Variants in GRIA4 observed in about 807,000 individuals in gnomAD.
GRIA4 encodes the protein glutamate receptor 4.
GRIA4 carries 34 observed loss-of-function variants against 104.0 expected under a neutral mutation model. The ratio of observed to expected loss-of-function variants is 0.33; its 90% CI spans 0.25 to 0.44. The LOEUF (loss-of-function observed/expected upper bound fraction) is 0.44. GRIA4 is among the 20% of genes least tolerant of loss of function. GRIA4 has a pLI of 1.00. For missense variants in GRIA4, 750 were observed against 1,096.5 expected (o/e 0.68, Z 4.46); for synonymous variants, 386 against 381.9 (o/e 1.01, Z -0.13).
intron 3 of GRIA4, among the ~76,000 whole-genome samples, chr11:105,732,589 T>A (rs1938667713): frequency 6.6e-6 from 1 of 152,188 alleles, no homozygotes; most frequent in South Asian, 2.1e-4. Flanking sequence ...GTCTTCTTGC[T>A]GCTACCACTT....
At chr11:105,616,122 T>C (rs888253659) in intron 3 of GRIA4, among the ~76,000 whole-genome samples, 3 of 151,746 alleles carry the variant, frequency 2.0e-5, no homozygotes, top group East Asian at 3.8e-4. Context: ...TAGAATTTTA[T>C]AGACTGTTTA....
At chr11:105,974,185 T>TA in intron 15 of GRIA4, 125 bp from the exon 16 acceptor site, 1 of 903,948 alleles carries the variant, frequency 1.1e-6, no homozygotes, top group Non-Finnish European at 1.7e-6. Context: ...CAGTGACTTA[T>TA]ACTTGTAAAT....
intron 2 of GRIA4, 110 bp from the exon 3 acceptor site, chr11:105,612,166 C>G: frequency 2.2e-6 from 2 of 924,674 alleles, no homozygotes; most frequent in Non-Finnish European, 3.4e-6. Context: ...GCAGGTATAG[C>G]TCTTTAATTG....
chr11:105,905,080 T>G (rs1946994309), intron 8 of GRIA4, 117 bp from the exon 9 acceptor site: 2 of 621,792 alleles, frequency 3.2e-6, no homozygotes, highest in African/African-American at 1.8e-5. Context: ...GCATTTCAGT[T>G]AGTTGGTTAT....
chr11:105,681,759 C>T (rs1952716808), intron 3 of GRIA4, among the ~76,000 whole-genome samples: 1 of 152,108 alleles, frequency 6.6e-6, no homozygotes, highest in African/African-American at 2.4e-5. Context: ...TGATTAAAAA[C>T]AGGCCGGGTG....
chr11:105,951,420 A>T (rs1049972595), intron 14 of GRIA4, among the ~76,000 whole-genome samples: 7 of 152,240 alleles, frequency 4.6e-5, no homozygotes, highest in Non-Finnish European at 8.8e-5. Context: ...CTATTCAGAG[A>T]TAACTTGAAG....
intron 3 of GRIA4, among the ~76,000 whole-genome samples, chr11:105,740,757 C>T (rs972605737): frequency 1.3e-5 from 2 of 152,006 alleles, no homozygotes; most frequent in African/African-American, 4.8e-5. Flanking sequence ...ATATGTAGAT[C>T]AGGTGAGAGC....
At chr11:105,842,932 A>T (rs2135964463) in intron 4 of GRIA4, 1 of 152,316 alleles carries the variant, frequency 6.6e-6, no homozygotes, top group Non-Finnish European at 1.5e-5. Flanking sequence ...CTGTTAAAGG[A>T]TTCATTTTAA....
intron 4 of GRIA4, among the ~76,000 whole-genome samples, chr11:105,786,262 C>G (rs1259096917): frequency 6.6e-6 from 1 of 151,762 alleles, no homozygotes; most frequent in Non-Finnish European, 1.5e-5. Flanking sequence ...ATCACATTAC[C>G]GAGTTGAATC....
In GRIA4 at chr11:105,926,355, T is replaced by C. The variant is rs560934576; in HGVS notation, c.1848-386T>C. 7.2e-5 allele frequency among the ~76,000 whole-genome samples: 11 copies of C among 152,260 alleles called. No individual in the cohort carries two copies. The South Asian group carries it at 2.1e-3, about 29-fold the overall frequency. On this transcript the variant is annotated intron_variant, in intron 12 of 16. Coordinates refer to ENST00000282499, the MANE Select transcript of GRIA4 (RefSeq NM_000829.4). The stretch of plus-strand genomic sequence containing the variant: ...AACAATGCTGCCAATTAAACCATGA[T>C]ACTATATTTTATCTCATCAACCATA...
In GRIA4 at chr11:105,762,050, G is replaced by A. The variant is rs1940680917; in HGVS notation, c.487+8830G>A. On this transcript the variant is annotated intron_variant, in intron 4 of 16. Transcript: ENST00000282499. ...AATTTTTTTTTTTTTTTGAGACGGA[G>A]TCTCACTCTATTGCCCCAGCTGAAG... 2.0e-5 allele frequency among the ~76,000 whole-genome samples: 3 copies of A among 148,726 alleles called. No homozygotes were observed. In the South Asian group the frequency reaches 6.3e-4, roughly 31 times the overall value.
chr11:105,855,544 A>G (rs2226578), intron 4 of GRIA4, among the ~76,000 whole-genome samples: 42,063 of 151,992 alleles, frequency 0.28, 7,609 homozygotes, highest in African/African-American at 0.51. Flanking sequence ...GAGCAAAATA[A>G]TAGCTATATA....
At chr11:105,892,650 T>C (rs1459309281) in intron 6 of GRIA4, among the ~76,000 whole-genome samples, 1 of 152,182 alleles carries the variant, frequency 6.6e-6, no homozygotes, top group Admixed American at 6.5e-5. Context: ...TGACCCTAGT[T>C]AAGATTCCAT....
At chr11:105,617,377 A>T (rs1392772683) in intron 3 of GRIA4, among the ~76,000 whole-genome samples, 1 of 151,788 alleles carries the variant, frequency 6.6e-6, no homozygotes, top group Non-Finnish European at 1.5e-5. Context: ...GGTACAAAGG[A>T]GTTACTTTAC....
chr11:105,841,440 C>T (rs965969263), intron 4 of GRIA4, among the ~76,000 whole-genome samples: 11 of 152,208 alleles, frequency 7.2e-5, no homozygotes, highest in African/African-American at 2.6e-4. Flanking sequence ...GGACTGTGGG[C>T]CTGGAGTCCA....
chr11:105,671,671 C>CT (rs1383471878), intron 3 of GRIA4, among the ~76,000 whole-genome samples: 1 of 50,586 alleles, frequency 2.0e-5, no homozygotes, highest in African/African-American at 9.2e-5. Context: ...GAGTGAGACT[C>CT]TGTCTCAAAA....
At chr11:105,667,508 A>G (rs924718118) in intron 3 of GRIA4, among the ~76,000 whole-genome samples, 9 of 152,036 alleles carry the variant, frequency 5.9e-5, no homozygotes, top group Admixed American at 1.3e-4. Flanking sequence ...GAAAACTAAT[A>G]TCTCCTTTGA....
chr11:105,691,935 C>CAAAAAAAAAA (rs202074069), intron 3 of GRIA4, among the ~76,000 whole-genome samples: 37 of 76,210 alleles, frequency 4.9e-4, no homozygotes, highest in East Asian at 7.7e-4. Context: ...AACTCCGTCT[C>CAAAAAAAAAA]AAAAAAAAAA....
chr11:105,653,305 C>A (rs1951736451), intron 3 of GRIA4, among the ~76,000 whole-genome samples: 1 of 152,166 alleles, frequency 6.6e-6, no homozygotes, highest in Non-Finnish European at 1.5e-5. Context: ...AGCATCACTA[C>A]CCTTGCACTC....
Sources: allele counts gnomAD v4.1 joint callset (sites outside exome capture counted in the v4.1 genomes callset), GRCh38; gene constraint gnomAD v4.1.1; transcripts MANE v1.5; gene names NCBI Gene and HGNC (gene_info 2026-07-23, HGNC 2026-07-21).